The following ANXA8 variants were observed in gnomAD, a reference collection of about 807,000 sequenced individuals.
The protein encoded by ANXA8 is VAC-beta.
A neutral mutation model predicts 26.8 loss-of-function variants in ANXA8; 9 were observed. The observed-to-expected ratio is 0.34, with a 90% confidence interval of 0.20 to 0.59. The LOEUF (loss-of-function observed/expected upper bound fraction) is 0.59, where lower values mean the gene tolerates loss of function less well. Among genes scored for constraint, ANXA8 ranks in the 20% least tolerant of loss-of-function variants. The probability of loss-of-function intolerance (pLI) is 0.84; values close to 1 mark genes in which losing one functional copy is unlikely to be tolerated. For missense variants in ANXA8, 83 were observed against 238.5 expected (o/e 0.35, Z 4.29); for synonymous variants, 39 against 94.8 (o/e 0.41, Z 3.42).
chr10:47,613,711 C>T, the ANXA8 span, among the ~76,000 whole-genome samples: 1 of 73,368 alleles, frequency 1.4e-5, no homozygotes, highest in East Asian at 2.7e-4. Flanking sequence ...TTTCCATGGA[C>T]AGGGTTGGGG....
chr10:47,502,067 AAC>A, the ANXA8 span: 5 of 1,558,202 alleles, frequency 3.2e-6, 1 homozygote, highest in South Asian at 5.6e-5. Context: ...AGTCAAATAA[AAC>A]AGATACTACA....
the ANXA8 span, among the ~76,000 whole-genome samples, chr10:47,631,668 AT>A: frequency 2.5e-4 from 37 of 150,444 alleles, no homozygotes; most frequent in East Asian, 1.3e-3. Context: ...TATTTAAGTT[AT>A]TTTTTTTAAA....
chr10:47,622,009 C>A, the ANXA8 span, among the ~76,000 whole-genome samples: 1 of 109,728 alleles, frequency 9.1e-6, no homozygotes. Context: ...TTCTGTCCCT[C>A]ATTATCATTC....
chr10:47,561,192 T>G, the ANXA8 span, among the ~76,000 whole-genome samples: 57 of 152,076 alleles, frequency 3.7e-4, no homozygotes, highest in African/African-American at 1.2e-3. Flanking sequence ...ACCTGTTCAC[T>G]ACTGGAAACA....
chr10:47,607,971 T>C, the ANXA8 span, among the ~76,000 whole-genome samples: 1 of 144,036 alleles, frequency 6.9e-6, no homozygotes, highest in East Asian at 2.0e-4. Flanking sequence ...AATTTTATTA[T>C]TGTAGTTATT....
At chr10:47,744,410 G>GGGGGGGGGGGGT in the ANXA8 span, among the ~76,000 whole-genome samples, 16 of 53,672 alleles carry the variant, frequency 3.0e-4, no homozygotes, top group East Asian at 5.0e-3. Context: ...AAGGCTCCTG[G>GGGGGGGGGGGGT]TGGGGGGGGG....
the ANXA8 span, among the ~76,000 whole-genome samples, chr10:47,581,934 C>T: frequency 6.7e-6 from 1 of 150,188 alleles, no homozygotes; most frequent in East Asian, 1.9e-4. Context: ...TAAAACCCAA[C>T]ATATGCTAAC....
At chr10:47,749,695 A>T in the ANXA8 span, among the ~76,000 whole-genome samples, 56 of 151,418 alleles carry the variant, frequency 3.7e-4, no homozygotes, top group Non-Finnish European at 6.6e-4. Flanking sequence ...GAATTAAAAA[A>T]ATAATCAGAA....
chr10:47,686,486 A>G, the ANXA8 span, among the ~76,000 whole-genome samples: 1 of 151,876 alleles, frequency 6.6e-6, no homozygotes, highest in Non-Finnish European at 1.5e-5. Context: ...TCCTGGGATT[A>G]CAGGCGTGAG....
chr10:47,589,790 T>C, the ANXA8 span, among the ~76,000 whole-genome samples: 1 of 145,310 alleles, frequency 6.9e-6, no homozygotes, highest in Non-Finnish European at 1.5e-5. Context: ...GTTCTACCTT[T>C]TCAGATTGCA....
chr10:47,660,845 G>A, the ANXA8 span, among the ~76,000 whole-genome samples: 219 of 148,314 alleles, frequency 1.5e-3, 2 homozygotes, highest in African/African-American at 5.0e-3. Flanking sequence ...ATTCATGAGT[G>A]CCACAAGAGA....
chr10:47,727,425 A>G, the ANXA8 span, among the ~76,000 whole-genome samples: 1 of 152,304 alleles, frequency 6.6e-6, no homozygotes, highest in Non-Finnish European at 1.5e-5. Context: ...CTGATGAGCT[A>G]ATCTGGTTCT....
the ANXA8 span, among the ~76,000 whole-genome samples, chr10:47,674,923 C>A: frequency 6.6e-6 from 1 of 151,242 alleles, no homozygotes; most frequent in Non-Finnish European, 1.5e-5. Context: ...CACTTTCTGG[C>A]ACTACAAGAT....
the ANXA8 span, among the ~76,000 whole-genome samples, chr10:47,957,759 T>C: frequency 6.7e-6 from 1 of 148,760 alleles, no homozygotes; most frequent in African/African-American, 2.6e-5. Flanking sequence ...AGCTCCAAGC[T>C]TGGCTCGTGG....
At chr10:47,555,628 T>C in the ANXA8 span, among the ~76,000 whole-genome samples, 2 of 151,952 alleles carry the variant, frequency 1.3e-5, no homozygotes, top group Admixed American at 1.3e-4. Context: ...CCATGACATA[T>C]CCATTTGGAT....
the ANXA8 span, among the ~76,000 whole-genome samples, chr10:47,666,118 A>T: frequency 6.7e-6 from 1 of 149,310 alleles, no homozygotes; most frequent in Admixed American, 6.7e-5. Context: ...CTAATTCTTT[A>T]CTAGTTGTTT....
chr10:47,559,821 C>T, the ANXA8 span, among the ~76,000 whole-genome samples: 2 of 151,898 alleles, frequency 1.3e-5, no homozygotes, highest in Non-Finnish European at 2.9e-5. Context: ...GGCTCCAGGG[C>T]TTCTTCCACT....
the ANXA8 span, among the ~76,000 whole-genome samples, chr10:47,989,230 G>A: frequency 7.3e-6 from 1 of 137,342 alleles, no homozygotes; most frequent in Non-Finnish European, 1.6e-5. Flanking sequence ...TTCCTGGAAC[G>A]TTCCACTGAA....
chr10:47,916,855 C>A, the ANXA8 span, among the ~76,000 whole-genome samples: 21 of 98,780 alleles, frequency 2.1e-4, no homozygotes, highest in Non-Finnish European at 1.1e-4. Flanking sequence ...ACAGTGGCTG[C>A]GTTCTTGCCT....
Sources: gnomAD v4.1 joint callset for allele counts (sites outside exome capture counted in the v4.1 genomes callset) on GRCh38, gnomAD v4.1.1 for gene constraint, MANE v1.5 for transcripts, NCBI Gene and HGNC (gene_info 2026-07-23, HGNC 2026-07-21) for gene names.